Variants in FAT1 observed in about 807,000 individuals in gnomAD.
FAT1 encodes FAT atypical cadherin 1.
In FAT1, 171 loss-of-function variants were observed where a neutral mutation model predicts 329.8. The observed-to-expected ratio is 0.52, with a 90% CI of 0.46 to 0.59. FAT1 has a LOEUF of 0.59. Among genes scored for constraint, FAT1 ranks in the 20% least tolerant of loss-of-function variants. FAT1 has a pLI of 0.00. For missense variants in FAT1, 5,672 were observed against 5,774.4 expected, an observed-to-expected ratio of 0.98 and a Z score of 0.57; for synonymous variants, 2,233 against 2,228.6, an observed-to-expected ratio of 1.00 and a Z score of -0.06.
At chr4:186,718,614 C>T (rs1579508371) in intron 1 of FAT1, among the ~76,000 whole-genome samples, 1 of 152,166 alleles carries the variant, frequency 6.6e-6, no homozygotes, top group East Asian at 1.9e-4. Context: ...TTGCAGTGAG[C>T]CGAGATTGCG....
At chr4:186,609,132 G>A in intron 16 of FAT1, 51 bp downstream of exon 16, 1 of 1,589,822 alleles carries the variant, frequency 6.3e-7, no homozygotes. Flanking sequence ...GGCATTTCTA[G>A]TTATTGATGT....
At chr4:186,705,085 C>T (rs1320929997) in intron 2 of FAT1, among the ~76,000 whole-genome samples, 1 of 150,120 alleles carries the variant, frequency 6.7e-6, no homozygotes, top group East Asian at 2.0e-4. Context: ...GCTGGGACTA[C>T]AGGTGTACCA....
intron 2 of FAT1, among the ~76,000 whole-genome samples, chr4:186,701,530 C>T (rs1466286292): frequency 2.6e-5 from 4 of 152,162 alleles, no homozygotes; most frequent in South Asian, 2.1e-4. Context: ...GCCTCCCACC[C>T]GTCTCTAATC....
Position 186,611,288 on chromosome 4 carries a change from T to G in FAT1, c.9853+98A>C, listed in dbSNP as rs1402382525. 4 of 1,099,740 alleles carry G rather than the reference T, an allele frequency of 3.6e-6. No homozygotes were observed. In the African/African-American group the frequency reaches 6.3e-5, roughly 17 times the overall value. 68.1% of individuals were successfully genotyped at this position (1,099,740 alleles called of 1,614,324 possible). A position where few individuals can be genotyped will look rare whatever the true frequency, so the allele number is the denominator to read the frequency against. ...GATTTGCCTTTTTTAGAACATCTAC[T>G]GACAACACAGGGTCACTTAATACAA... On this transcript the variant is annotated intron_variant, in intron 14 of 26. Coordinates refer to ENST00000441802, the MANE Select transcript of FAT1 (RefSeq NM_005245.4).
At chr4:186,724,225 A>G (rs550971828), upstream of FAT1, among the ~76,000 whole-genome samples, 2 of 149,010 alleles carry the variant, frequency 1.3e-5, no homozygotes, top group Admixed American at 6.6e-5. The surrounding 1 kb of genome is among the most constrained non-coding windows in gnomAD (Gnocchi z 5.3). Flanking sequence ...CTAATGAGAA[A>G]GCTTCCCAGA....
In FAT1 at chr4:186,707,314, A is replaced by G; in HGVS notation, c.2514T>C (p.His838=). 1 of 1,613,996 alleles carries G rather than the reference A, an allele frequency of 6.2e-7. No individual in the cohort carries two copies. The highest frequency in any genetic ancestry group is 8.5e-7 in the Non-Finnish European group (1 of 1,179,896). Residue 838 remains histidine, a synonymous_variant, in exon 2 of 27, where the codon CAT becomes CAC. Transcript: ENST00000441802. ...TGGCTTCAACCTGGATGATTTCACT[A>G]TGTACCTCCTTGTCTTCACTCACTT... is the stretch of plus-strand genomic sequence containing the variant. The part of the protein sequence containing the change: ...FVEVSEDKEV[H]SEIIQVEATD...
chr4:186,591,423 C>A (rs999727435), intron 26 of FAT1, among the ~76,000 whole-genome samples: 2 of 152,208 alleles, frequency 1.3e-5, no homozygotes, highest in Non-Finnish European at 2.9e-5. Context: ...CATGTATCTA[C>A]AGAATCATTT....
chr4:186,620,124 C>T lies in FAT1; in HGVS notation c.6462G>A (p.Val2154=), dbSNP rs750399375. The T allele has an allele frequency of 3.1e-6, 5 of 1,613,980 alleles. No individual in the cohort carries two copies. Among genetic ancestry groups the T allele is most frequent in the South Asian group, 2.2e-5 (2 of 91,082 alleles). Residue 2154 remains valine, a synonymous_variant, in exon 10 of 27, where the codon GTG becomes GTA. Transcript: ENST00000441802. The stretch of plus-strand genomic sequence containing the variant: ...CCGGGTTCCCTCCATCTTTTGCAAC[C>T]ACTGTAACAAGATATTCTTTATTTA... The part of the protein sequence containing the change: ...DTLNKEYLVT[V]VAKDGGNPAF...
chr4:186,643,788 T>TGCCC (rs1741218233), intron 3 of FAT1, among the ~76,000 whole-genome samples: 1 of 131,108 alleles, frequency 7.6e-6, no homozygotes, highest in African/African-American at 2.9e-5. Context: ...CTGCTCCTCA[T>TGCCC]CCCCCCCCCA....
chr4:186,620,681 C>A lies in FAT1; in HGVS notation c.5905G>T (p.Val1969Leu), dbSNP rs1560943028. Residue 1969 changes from valine (V) to leucine (L), a missense_variant, in exon 10 of 27, where the codon GTG becomes TTG. Physicochemically the swap from Val to Leu is conservative, Grantham distance 32. Coordinates refer to ENST00000441802, the MANE Select transcript of FAT1 (RefSeq NM_005245.4). ...FAGLTSVKIN[V>L]KESKESHLKF... ...AGGTGACTTTCTTTGCTTTCTTTCA[C>A]ATTAATTTTGACAGAGGTAAGGCCG... 6.2e-7 allele frequency: 1 copy of A among 1,613,998 alleles called. No homozygotes were observed. The highest frequency in any genetic ancestry group is 1.1e-5 in the South Asian group (1 of 91,086).
chr4:186,681,359 A>G (rs1001058143), intron 2 of FAT1, among the ~76,000 whole-genome samples: 25 of 152,250 alleles, frequency 1.6e-4, no homozygotes, highest in Non-Finnish European at 5.9e-5. Flanking sequence ...ATGTTTGAGA[A>G]ACTAAAGCAA....
At chr4:186,666,579 C>T (rs79197575) in intron 2 of FAT1, among the ~76,000 whole-genome samples, 3,195 of 152,276 alleles carry the variant, frequency 0.021, 70 homozygotes, top group Admixed American at 0.054. Context: ...AAGACAGGTA[C>T]GTGGTGCTTT....
chr4:186,677,296 G>A (rs573866877), intron 2 of FAT1, among the ~76,000 whole-genome samples: 17 of 152,170 alleles, frequency 1.1e-4, no homozygotes, highest in Admixed American at 3.9e-4. Context: ...AGTGATTCAC[G>A]GACACTGATA....
At chr4:186,629,987 T>C (rs1405006742) in intron 7 of FAT1, among the ~76,000 whole-genome samples, 1 of 152,256 alleles carries the variant, frequency 6.6e-6, no homozygotes, top group Non-Finnish European at 1.5e-5. Context: ...TAGTGGGTAC[T>C]GAGCAGAGAA....
In FAT1 at chr4:186,597,111, C is replaced by T. The variant is rs200934696; in HGVS notation, c.12429G>A (p.Glu4143=). 2.8e-4 allele frequency: 448 copies of T among 1,613,834 alleles called. 4 individuals carry two copies. Among genetic ancestry groups the T allele is most frequent in the Admixed American group, 5.2e-4 (31 of 60,008 alleles). The change falls in exon 25 of 27, where the codon GAG becomes GAA. Residue 4143 remains glutamate, a synonymous_variant. Coordinates refer to ENST00000441802, the MANE Select transcript of FAT1 (RefSeq NM_005245.4). The part of the protein sequence containing the change: ...GNPCLHGALC[E]NTHGSYHCNC... ...TGCAGTGATAGGAGCCGTGCGTGTT[C>T]TCACAGAGGGCCCCGTGCAGGCAAG...
In FAT1 at chr4:186,617,920, G is replaced by A. The variant is rs368599389; in HGVS notation, c.8666C>T (p.Ala2889Val). 1.9e-6 allele frequency: 3 copies of A among 1,613,880 alleles called. No homozygotes were observed. Among genetic ancestry groups the A allele is most frequent in the Admixed American group, 1.7e-5 (1 of 60,000 alleles). ...KRDNYQIKVV[A>V]SDHGEKIQLS... ...CTGGATCTTTTCACCATGATCTGAT[G>A]CAACCACTTTAATCTGGTAATTGTC... Residue 2889 changes from alanine (A) to valine (V), a missense_variant, in exon 10 of 27, where the codon GCA (alanine) becomes GTA (valine). By Grantham distance (64) the Ala-to-Val change is moderately conservative. This residue lies in a region of FAT1 where 3,966 missense variants were observed against 3,915.2 expected (regional missense o/e 1.01). Transcript: ENST00000441802.
intron 2 of FAT1, among the ~76,000 whole-genome samples, chr4:186,686,854 G>C (rs1002753971): frequency 2.0e-5 from 3 of 152,104 alleles, no homozygotes; most frequent in Admixed American, 2.0e-4. Context: ...AGGGATACTT[G>C]GGAAGGAAAA....
At position 186,616,580 on chromosome 4, in the gene FAT1, GC is replaced by G. The variant is rs146295807; in HGVS notation, c.9075+424del. Reference sequence around the variant, plus strand: ...TAGTTCCCACTGAATGGTGAGCCGCGCAGATGCAGGAAGCACGCTGTCCACC... The same window carrying G: ...TAGTTCCCACTGAATGGTGAGCCGCGAGATGCAGGAAGCACGCTGTCCACC... On this transcript the variant is annotated intron_variant, in intron 11 of 26. Coordinates refer to ENST00000441802, the MANE Select transcript of FAT1 (RefSeq NM_005245.4). 9.6e-3 allele frequency among the ~76,000 whole-genome samples: 1,464 copies of G among 152,220 alleles called. 27 individuals are homozygous for G. Among genetic ancestry groups the G allele is most frequent in the African/African-American group, 0.034 (1,406 of 41,510 alleles).
intron 3 of FAT1, among the ~76,000 whole-genome samples, chr4:186,654,927 C>CA (rs1358381366): frequency 2.8e-5 from 4 of 145,116 alleles, no homozygotes; most frequent in African/African-American, 1.0e-4. Flanking sequence ...AAAAAAAAAA[C>CA]AAAAAAAACT....
Sources: allele counts gnomAD v4.1 joint callset (sites outside exome capture counted in the v4.1 genomes callset), GRCh38; gene constraint gnomAD v4.1.1; regional missense constraint gnomAD v4.1.1; non-coding constraint Gnocchi (gnomAD v3.1); transcripts MANE v1.5; gene names NCBI Gene and HGNC (gene_info 2026-07-23, HGNC 2026-07-21).